The following NUP133 variants were observed in gnomAD, a reference collection of about 807,000 sequenced individuals.
NUP133 encodes nuclear pore complex protein Nup133.
A neutral mutation model predicts 146.2 loss-of-function variants in NUP133; 66 were observed. The ratio of observed to expected loss-of-function variants is 0.45; its 90% CI spans 0.37 to 0.55. NUP133 has a LOEUF of 0.55. Ranked by LOEUF, NUP133 falls within the 20% of genes least tolerant of loss-of-function variation. The pLI, the probability that NUP133 is intolerant of heterozygous loss-of-function variation, is 0.00. For synonymous variants in NUP133, 521 were observed against 498.8 expected (o/e 1.04, Z -0.59); for missense variants, 1,277 against 1,374.8 (o/e 0.93, Z 1.12).
chr1:229,507,363 A>T (rs1238007585), intron 1 of NUP133, among the ~76,000 whole-genome samples: 7 of 152,224 alleles, frequency 4.6e-5, no homozygotes, highest in African/African-American at 7.2e-5. Context: ...TTTTTTATAG[A>T]TGAATTCAGA....
intron 14 of NUP133, 23 bp from the exon 15 acceptor site, chr1:229,470,827 T>C (rs1052564027): frequency 1.9e-5 from 30 of 1,603,176 alleles, no homozygotes; most frequent in Non-Finnish European, 2.6e-5. Context: ...CAAACACATA[T>C]TCTCAGAAAG....
chr1:229,503,964 T>C (rs1661871438), intron 2 of NUP133, among the ~76,000 whole-genome samples: 1 of 147,480 alleles, frequency 6.8e-6, no homozygotes. Flanking sequence ...GGGAAAAATA[T>C]ACACATATAT....
Position 229,444,995 on chromosome 1 carries a change from T to A in NUP133, c.3253A>T (p.Ser1085Cys). 1 of 1,608,968 alleles carries A rather than the reference T, an allele frequency of 6.2e-7. No individual in the cohort carries two copies. The highest frequency in any genetic ancestry group is 8.5e-7 in the Non-Finnish European group (1 of 1,176,890). The change falls in exon 25 of 26, where the codon AGT becomes TGT. Residue 1085 changes from serine to cysteine, a missense_variant. This residue lies in a region of NUP133 where 952 missense variants were observed against 1,047.0 expected (regional missense o/e 0.91). Coordinates refer to ENST00000261396, the MANE Select transcript of NUP133 (RefSeq NM_018230.3). ...CKALQRDNWS[S>C]SDGKDDPIEV... is the part of the protein sequence containing the mutation. ...ATTGGATCATCTTTGCCATCAGAAC[T>A]GGACCAGCTAGAAAACAAAATCATT...
chr1:229,505,127 G>A (rs1481243081), intron 2 of NUP133, among the ~76,000 whole-genome samples: 2 of 152,134 alleles, frequency 1.3e-5, no homozygotes, highest in Non-Finnish European at 2.9e-5. Flanking sequence ...AGTGGCCCAG[G>A]GAAGCCAAAA....
chr1:229,485,852 A>G (rs1661335459), intron 11 of NUP133, among the ~76,000 whole-genome samples: 2 of 152,204 alleles, frequency 1.3e-5, no homozygotes, highest in African/African-American at 4.8e-5. Flanking sequence ...GACCATTTGT[A>G]TAAAATAATC....
Position 229,470,671 on chromosome 1 carries a change from T to C in NUP133, c.1985A>G (p.Asp662Gly). The change falls in exon 15 of 26, where the codon GAC becomes GGC. Residue 662 changes from aspartate (D) to glycine (G), a missense_variant. Physicochemically the swap from Asp to Gly is moderately conservative, Grantham distance 94 (BLOSUM62 -1). This residue lies in a region of NUP133 where 952 missense variants were observed against 1,047.0 expected (regional missense o/e 0.91). Coordinates refer to ENST00000261396, the MANE Select transcript of NUP133 (RefSeq NM_018230.3). The part of the protein sequence containing the change: ...VLKNHHSRLS[D>G]LVNTAILIAL... ...AATCAATATGGCTGTGTTGACAAGG[T>C]CAGAAAGCCGGGAGTGGTGGTTCTT... 2 of 1,614,094 alleles carry C rather than the reference T, an allele frequency of 1.2e-6. 1 individual carries two copies. Among genetic ancestry groups the C allele is most frequent in the South Asian group, 2.2e-5 (2 of 91,084 alleles).
In NUP133 at chr1:229,486,651, C is replaced by T. The variant is rs928287376; in HGVS notation, c.1343-123G>A. 2.1e-5 allele frequency: 18 copies of T among 873,162 alleles called. No individual in the cohort carries two copies. The African/African-American group carries it at 3.1e-4, about 15-fold the overall frequency. The allele number at this position is 873,162 out of a possible 1,614,324, so 54.1% of individuals were successfully genotyped here. A position where few individuals can be genotyped will look rare whatever the true frequency, so the allele number is the denominator to read the frequency against. On this transcript the variant is annotated intron_variant, in intron 10 of 25. Coordinates refer to ENST00000261396, the MANE Select transcript of NUP133 (RefSeq NM_018230.3). The stretch of plus-strand genomic sequence containing the variant: ...ATTAAGCACATTTTTTCCTTTACAA[C>T]ATTAGTCCTACTTCGAACTCATCCT...
At chr1:229,445,071 C>A (rs546616306) in intron 24 of NUP133, 69 bp from the exon 25 acceptor site, 1 of 1,150,764 alleles carries the variant, frequency 8.7e-7, no homozygotes, top group Non-Finnish European at 1.3e-6. Flanking sequence ...GATTTGTTTG[C>A]TATCATGGTT....
intron 19 of NUP133, among the ~76,000 whole-genome samples, chr1:229,462,017 G>A (rs1660703916): frequency 6.6e-6 from 1 of 151,972 alleles, no homozygotes; most frequent in African/African-American, 2.4e-5. Flanking sequence ...CAGAACAGAT[G>A]GAATTACAGG....
At chr1:229,448,584 G>A (rs796139869) in intron 24 of NUP133, among the ~76,000 whole-genome samples, 17 of 152,108 alleles carry the variant, frequency 1.1e-4, no homozygotes, top group South Asian at 2.1e-4. Flanking sequence ...AGCAGCCCAC[G>A]CCGCTGCTCT....
intron 25 of NUP133, among the ~76,000 whole-genome samples, 198 bp downstream of exon 25, chr1:229,444,702 CCAGGCATGGTAGCA>C (rs1313267217): frequency 6.6e-6 from 1 of 151,836 alleles, no homozygotes; most frequent in Non-Finnish European, 1.5e-5. Flanking sequence ...CAAAAATTAG[CCAGGCATGGTAGCA>C]CAGGTCTGTA....
chr1:229,455,772 G>GT (rs1228609157), intron 21 of NUP133, among the ~76,000 whole-genome samples: 6 of 152,196 alleles, frequency 3.9e-5, no homozygotes, highest in African/African-American at 1.4e-4. Context: ...TACTCAGCAT[G>GT]TATCTCCTAA....
At chr1:229,448,003 T>A (rs1660351666) in intron 24 of NUP133, among the ~76,000 whole-genome samples, 1 of 152,232 alleles carries the variant, frequency 6.6e-6, no homozygotes, top group Middle Eastern at 3.4e-3. Flanking sequence ...AAGAGAGTGG[T>A]CTCTAGTCGT....
chr1:229,445,426 C>T (rs1394775957), intron 24 of NUP133, among the ~76,000 whole-genome samples: 1 of 152,172 alleles, frequency 6.6e-6, no homozygotes, highest in Non-Finnish European at 1.5e-5. Context: ...AAGTGTTCCT[C>T]CCACCTCAGC....
intron 11 of NUP133, 43 bp from the exon 12 acceptor site, chr1:229,484,188 A>C (rs1400060945): frequency 1.4e-6 from 2 of 1,403,916 alleles, no homozygotes; most frequent in Admixed American, 1.8e-5. Context: ...AGGCATCTGA[A>C]TATTCTTAAT....
chr1:229,470,617 G>A lies in NUP133; in HGVS notation c.2039C>T (p.Pro680Leu). 2 of 1,614,188 alleles carry A rather than the reference G, an allele frequency of 1.2e-6. No homozygotes were observed. The highest frequency in any genetic ancestry group is 2.2e-5 in the South Asian group (2 of 91,088). ...GACATCTGCAGGAGTCAGGTTGGATGGGATTTCATACTCCCTCTTGTTCAA... is the reference window on the plus strand; with the variant it reads ...GACATCTGCAGGAGTCAGGTTGGATAGGATTTCATACTCCCTCTTGTTCAA... Reference protein sequence around the residue: ...IALNKREYEIPSNLTPADVFF... With the variant: ...IALNKREYEILSNLTPADVFF... Residue 680 changes from proline to leucine, a missense_variant, in exon 15 of 26, where the codon CCA becomes CTA. Pro to Leu is a moderately conservative substitution (Grantham distance 98, BLOSUM62 -3). This residue lies in a region of NUP133 where 952 missense variants were observed against 1,047.0 expected (regional missense o/e 0.91). Transcript: ENST00000261396.
intron 9 of NUP133, among the ~76,000 whole-genome samples, chr1:229,487,896 GGTA>G (rs1661402737): frequency 6.8e-6 from 1 of 147,970 alleles, no homozygotes; most frequent in Non-Finnish European, 1.5e-5. Flanking sequence ...CAGGCTGGAG[GGTA>G]GTGGTGCAAT....
chr1:229,503,887 TTAATC>T (rs764264968), intron 2 of NUP133, among the ~76,000 whole-genome samples: 2 of 152,216 alleles, frequency 1.3e-5, no homozygotes, highest in African/African-American at 2.4e-5. Flanking sequence ...GCTGTGTTAT[TTAATC>T]TAGTCTGTTA....
chr1:229,484,121 T>C lies in NUP133; in HGVS notation c.1525A>G (p.Lys509Glu), dbSNP rs1226088236. 1 of 1,613,348 alleles carries C rather than the reference T, an allele frequency of 6.2e-7. No homozygotes were observed. The highest frequency in any genetic ancestry group is 2.2e-5 in the East Asian group (1 of 44,872). ...SESMIFETTT[K>E]NETIAQEDKI... ...TCTTCCTGGGCTATAGTTTCATTCT[T>C]TGTAGTGGTCTCAAAAATCATACTC... The change falls in exon 12 of 26, where the codon AAG becomes GAG. Residue 509 changes from lysine to glutamate, a missense_variant. Transcript: ENST00000261396.
Sources: gnomAD v4.1 joint callset for allele counts (sites outside exome capture counted in the v4.1 genomes callset) on GRCh38, gnomAD v4.1.1 for gene constraint, gnomAD v4.1.1 regional missense constraint, MANE v1.5 for transcripts, NCBI Gene and HGNC (gene_info 2026-07-23, HGNC 2026-07-21) for gene names.